The following DTD1 variants were observed in gnomAD, a reference collection of about 807,000 sequenced individuals.
The protein encoded by DTD1 is D-aminoacyl-tRNA deacylase 1, also known as D-tyrosyl-tRNA deacylase 1 homolog.
In DTD1, 13 loss-of-function variants were observed where a neutral mutation model predicts 25.6. That is an observed-to-expected ratio of 0.51 (90% CI 0.33 to 0.81). The LOEUF is 0.81. Ranked by LOEUF, DTD1 falls within the 30% of genes least tolerant of loss-of-function variation. The pLI is 0.02. For synonymous variants in DTD1, 110 were observed against 103.6 expected, an observed-to-expected ratio of 1.06 and a Z score of -0.37; for missense variants, 193 against 266.4, an observed-to-expected ratio of 0.72 and a Z score of 1.92.
At chr20:18,646,821 C>T (rs1220439222) in intron 4 of DTD1, among the ~76,000 whole-genome samples, 1 of 152,218 alleles carries the variant, frequency 6.6e-6, no homozygotes, top group East Asian at 1.9e-4. Flanking sequence ...GAAATCTCCA[C>T]TGGGGACCCT....
At chr20:18,711,628 G>T (rs551317376) in intron 4 of DTD1, among the ~76,000 whole-genome samples, 17 of 152,210 alleles carry the variant, frequency 1.1e-4, no homozygotes, top group African/African-American at 3.9e-4. Context: ...TCATGATCTG[G>T]TGTAGGTTTT....
intron 5 of DTD1, among the ~76,000 whole-genome samples, chr20:18,755,241 G>C (rs1181213215): frequency 1.3e-5 from 2 of 152,036 alleles, no homozygotes; most frequent in Non-Finnish European, 2.9e-5. Flanking sequence ...GAAAATAAAA[G>C]TCATCTGCCA....
rs1258796087 is a variant in DTD1, at chr20:18,616,785, T to A, written c.371-11342T>A. On this transcript the variant is annotated intron_variant, in intron 3 of 5. Coordinates refer to ENST00000377452, the MANE Select transcript of DTD1 (RefSeq NM_080820.6). ...TCACACCACTGCACTCTAGCCCGGG[T>A]GATAGAGTAAGACCCTGTCTCTAAA... Among the ~76,000 whole-genome samples, 4 of 152,090 alleles carry A rather than the reference T, an allele frequency of 2.6e-5. No homozygotes were observed. The East Asian group carries it at 7.7e-4, about 29-fold the overall frequency.
At chr20:18,729,933 C>A (rs974595717) in intron 4 of DTD1, among the ~76,000 whole-genome samples, 1 of 151,906 alleles carries the variant, frequency 6.6e-6, no homozygotes, top group Admixed American at 6.6e-5. Context: ...GGTGGCCTGG[C>A]CTTTGTATTT....
At chr20:18,646,358 A>G (rs2060850415) in intron 4 of DTD1, among the ~76,000 whole-genome samples, 1 of 152,104 alleles carries the variant, frequency 6.6e-6, no homozygotes, top group Non-Finnish European at 1.5e-5. Context: ...CCGCATCTCA[A>G]GGGGGTCACT....
At chr20:18,636,487 A>C (rs761754881) in intron 4 of DTD1, among the ~76,000 whole-genome samples, 27 of 152,272 alleles carry the variant, frequency 1.8e-4, no homozygotes, top group Non-Finnish European at 3.4e-4. Flanking sequence ...AGCACTTGCT[A>C]TACTTTTTTT....
chr20:18,667,257 T>G (rs1455475222), intron 4 of DTD1, among the ~76,000 whole-genome samples: 2 of 152,132 alleles, frequency 1.3e-5, no homozygotes, highest in Non-Finnish European at 2.9e-5. Context: ...TTACCTTGAG[T>G]GTTTTGTTCT....
At chr20:18,659,053 T>C (rs575370556) in intron 4 of DTD1, among the ~76,000 whole-genome samples, 1 of 152,052 alleles carries the variant, frequency 6.6e-6, no homozygotes, top group Non-Finnish European at 1.5e-5. Flanking sequence ...TTCTAAGATA[T>C]CTAAATGAAT....
chr20:18,639,087 C>T (rs567598611), intron 4 of DTD1, among the ~76,000 whole-genome samples: 1 of 150,286 alleles, frequency 6.7e-6, no homozygotes, highest in African/African-American at 2.5e-5. Context: ...AGACATTGGA[C>T]ATCAAGGAGT....
chr20:18,719,599 T>G (rs2061194874), intron 4 of DTD1, among the ~76,000 whole-genome samples: 3 of 152,202 alleles, frequency 2.0e-5, no homozygotes, highest in African/African-American at 7.2e-5. Context: ...TGGATTCAGC[T>G]CTTTCTCCAG....
At chr20:18,656,501 T>C (rs1178371177) in intron 4 of DTD1, among the ~76,000 whole-genome samples, 7 of 152,216 alleles carry the variant, frequency 4.6e-5, no homozygotes, top group Non-Finnish European at 1.0e-4. Flanking sequence ...TGGAGTCACC[T>C]CACTGACTCT....
At chr20:18,664,200 A>G (rs2060922570) in intron 4 of DTD1, among the ~76,000 whole-genome samples, 1 of 152,188 alleles carries the variant, frequency 6.6e-6, no homozygotes, top group Non-Finnish European at 1.5e-5. Flanking sequence ...TTTTTCAACA[A>G]TCCTTCAGAA....
At chr20:18,753,082 C>A (rs552978278) in intron 5 of DTD1, among the ~76,000 whole-genome samples, 24 of 152,194 alleles carry the variant, frequency 1.6e-4, no homozygotes, top group African/African-American at 5.8e-4. Context: ...TTAGAGTGTG[C>A]CATCTAATAC....
intron 4 of DTD1, among the ~76,000 whole-genome samples, chr20:18,700,928 A>G (rs1374752723): frequency 6.6e-6 from 1 of 152,266 alleles, no homozygotes; most frequent in Non-Finnish European, 1.5e-5. Flanking sequence ...AGGTGGCATC[A>G]GAGTAGCGCC....
At chr20:18,639,605 A>G (rs986368633) in intron 4 of DTD1, among the ~76,000 whole-genome samples, 1 of 152,166 alleles carries the variant, frequency 6.6e-6, no homozygotes, top group Non-Finnish European at 1.5e-5. Context: ...CGCAGCAGCC[A>G]CTTTATACCT....
chr20:18,681,197 C>T (rs2060995454), intron 4 of DTD1, among the ~76,000 whole-genome samples: 1 of 152,140 alleles, frequency 6.6e-6, no homozygotes, highest in African/African-American at 2.4e-5. Flanking sequence ...CAGGAGACTC[C>T]TGACTGGGGA....
chr20:18,744,016 C>T (rs2061289826), intron 4 of DTD1, 84 bp from the exon 5 acceptor site: 18 of 1,445,572 alleles, frequency 1.2e-5, no homozygotes, highest in Non-Finnish European at 1.4e-5. Context: ...TCAATGGTTC[C>T]CACCTGGGAA....
chr20:18,740,978 A>G (rs2061275495), intron 4 of DTD1, among the ~76,000 whole-genome samples: 1 of 152,348 alleles, frequency 6.6e-6, no homozygotes, highest in South Asian at 2.1e-4. Context: ...GAACTATGTA[A>G]CAAGCAGCTC....
At chr20:18,668,055 A>C (rs987441638) in intron 4 of DTD1, among the ~76,000 whole-genome samples, 1 of 152,228 alleles carries the variant, frequency 6.6e-6, no homozygotes, top group African/African-American at 2.4e-5. Flanking sequence ...AAAGAAAACA[A>C]GATGCATTGC....
Sources: allele counts gnomAD v4.1 joint callset (sites outside exome capture counted in the v4.1 genomes callset), GRCh38; gene constraint gnomAD v4.1.1; transcripts MANE v1.5; gene names NCBI Gene and HGNC (gene_info 2026-07-23, HGNC 2026-07-21).